Variants in AGAP3 observed in about 807,000 individuals in gnomAD.
AGAP3 encodes the protein ArfGAP with GTPase domain, ankyrin repeat and PH domain 3, also known as arf-GAP with GTPase, ANK repeat and PH domain-containing protein 3.
In AGAP3, 24 loss-of-function variants were observed where a neutral mutation model predicts 96.9. The observed-to-expected ratio is 0.25, with a 90% CI of 0.18 to 0.35. The LOEUF (loss-of-function observed/expected upper bound fraction) is 0.35, where lower values mean the gene tolerates loss of function less well. Among genes scored for constraint, AGAP3 ranks in the 10% least tolerant of loss-of-function variants. The pLI, the probability that AGAP3 is intolerant of heterozygous loss-of-function variation, is 1.00. For synonymous variants in AGAP3, 563 were observed against 536.1 expected (o/e 1.05, Z -0.69); for missense variants, 876 against 1,254.2 (o/e 0.70, Z 4.55).
chr7:151,140,047 C>G lies in AGAP3; in HGVS notation c.1735C>G (p.Arg579Gly). 7 of 1,607,152 alleles carry G rather than the reference C, an allele frequency of 4.4e-6. No individual in the cohort carries two copies. Among genetic ancestry groups the G allele is most frequent in the Non-Finnish European group, 5.9e-6 (7 of 1,177,178 alleles). Reference sequence around the variant, plus strand: ...TCCTCCCCCATCTCCCCACTCCAACCGGAAGAAGCACCGGAGGAAAAAGAG... The same window carrying G: ...TCCTCCCCCATCTCCCCACTCCAACGGGAAGAAGCACCGGAGGAAAAAGAG... Reference protein sequence around the residue: ...LDPPPSPHSNRKKHRRKKSTG... With the variant: ...LDPPPSPHSNGKKHRRKKSTG... Residue 579 changes from arginine to glycine, a missense_variant, in exon 13 of 18, where the codon CGG becomes GGG. Around this residue, in one of 8 missense-constraint regions of AGAP3, gnomAD observed 155 missense variants for 144.4 expected, o/e 1.07. Transcript: ENST00000397238. This position sits in a 1 kb window ranked among gnomAD's most constrained non-coding sequence, Gnocchi z 5.4.
In AGAP3 at chr7:151,098,486, C is replaced by CA. The variant is rs1202934685; in HGVS notation, c.331+11423dup. 6.0e-5 allele frequency among the ~76,000 whole-genome samples: 9 copies of CA among 151,246 alleles called. No individual in the cohort carries two copies. The East Asian group carries it at 9.7e-4, about 16-fold the overall frequency. ...GCAATATAGTGAGACGCTGTCTCTA[C>CA]AAAAAAAAATTAAAAAATTAGCCAG... On this transcript the variant is annotated intron_variant, in intron 1 of 17. Transcript: ENST00000397238.
intron 1 of AGAP3, chr7:151,115,106 CCG>C: frequency 9.7e-7 from 1 of 1,031,680 alleles, no homozygotes; most frequent in South Asian, 3.4e-5. Context: ...CCCGGCGCAG[CCG>C]CACCCGCGGG....
In AGAP3 at chr7:151,117,468, G is replaced by T. The variant is rs547595660; in HGVS notation, c.564+12G>T. The stretch of plus-strand genomic sequence containing the variant: ...CCCCTGAGCTCCAGGTGATGCTCCT[G>T]CCCAGGGTTAGGGCCCACCGCTGTG... On this transcript the variant is annotated intron_variant, in intron 4 of 17. Transcript: ENST00000397238. 8.1e-6 allele frequency: 13 copies of T among 1,614,162 alleles called. No homozygotes were observed. The highest frequency in any genetic ancestry group is 1.6e-4 in the Middle Eastern group (1 of 6,062).
Position 151,134,575 on chromosome 7 carries a change from C to G in AGAP3, c.1495+7C>G. 4 of 1,599,100 alleles carry G rather than the reference C, an allele frequency of 2.5e-6. No homozygotes were observed. Among genetic ancestry groups the G allele is most frequent in the Non-Finnish European group, 3.4e-6 (4 of 1,171,106 alleles). Reference sequence around the variant, plus strand: ...CAGCTGGGTGGGGGCACAGGTGAGGCGGCTGCTGAGGTGGGGGCCTGGGGG... The same window carrying G: ...CAGCTGGGTGGGGGCACAGGTGAGGGGGCTGCTGAGGTGGGGGCCTGGGGG... On this transcript the variant is annotated splice_region_variant and intron_variant, in intron 11 of 17. Transcript: ENST00000397238.
intron 8 of AGAP3, chr7:151,123,561 T>C: frequency 7.4e-7 from 1 of 1,346,926 alleles, no homozygotes; most frequent in Non-Finnish European, 9.6e-7. Context: ...CTTGCTCTTT[T>C]GTAAGGGGCG....
chr7:151,143,524 C>T lies in AGAP3; in HGVS notation c.2457C>T (p.Asp819=), dbSNP rs762165435. The change falls in exon 17 of 18, where the codon GAC becomes GAT. Residue 819 remains aspartate (D), a synonymous_variant. Coordinates refer to ENST00000397238, the MANE Select transcript of AGAP3 (RefSeq NM_031946.7). This position sits in a 1 kb window ranked among gnomAD's most constrained non-coding sequence, Gnocchi z 5.9. ...AGGAGGTGAATGAGACCTATGGGGA[C>T]GGGGACGGGCGGACGGCTCTACATC... ...SKEEVNETYG[D]GDGRTALHLS... The T allele has an allele frequency of 8.1e-6, 13 of 1,613,990 alleles. No homozygotes were observed. Among genetic ancestry groups the T allele is most frequent in the East Asian group, 4.5e-5 (2 of 44,894 alleles).
rs368385180 is a variant in AGAP3, at chr7:151,119,968, C to T, written c.970-19C>T. On this transcript the variant is annotated intron_variant, in intron 7 of 17. Transcript: ENST00000397238. The stretch of plus-strand genomic sequence containing the variant: ...GCCCCTGACCCGGAGCTGCCCTCAG[C>T]AGCCCTCTTTGTCCTTAGGCCACGA... 2.0e-5 allele frequency: 33 copies of T among 1,612,590 alleles called. No individual in the cohort carries two copies. The highest frequency in any genetic ancestry group is 2.7e-5 in the Non-Finnish European group (32 of 1,179,742).
At chr7:151,126,511 G>C (rs1396831808) in intron 9 of AGAP3, among the ~76,000 whole-genome samples, 3 of 148,414 alleles carry the variant, frequency 2.0e-5, no homozygotes, top group Non-Finnish European at 4.5e-5. Flanking sequence ...GGGGCGGGGA[G>C]CCGGGTCCAT....
rs1248033184 is a variant in AGAP3, at chr7:151,094,832, CCCTTCCCT to C, written c.331+7770_331+7777del. ...CCTGGCCTCCCCTCCCTTCCTCCCT[CCCTTCCCT>C]CCTTCCCTCTGTCCCTCCCTTCCTC... On this transcript the variant is annotated intron_variant, in intron 1 of 17. Transcript: ENST00000397238. Among the ~76,000 whole-genome samples, 6 of 150,836 alleles carry C rather than the reference CCCTTCCCT, an allele frequency of 4.0e-5. No individual in the cohort carries two copies. The East Asian group carries it at 1.0e-3, about 25-fold the overall frequency.
chr7:151,120,911 C>T, intron 8 of AGAP3: 1 of 1,008,226 alleles, frequency 9.9e-7, no homozygotes, highest in South Asian at 2.7e-5. Flanking sequence ...CCATCCAAAC[C>T]CTAATCCTCC....
chr7:151,142,572 C>A lies in AGAP3; in HGVS notation c.2211C>A (p.Leu737=). ...LAVMTAMGNA[L]ANSVWEGALG... The stretch of plus-strand genomic sequence containing the variant: ...TCATGACTGCCATGGGCAATGCCCT[C>A]GCCAACAGCGTCTGGGAGGGGGCCT... The change falls in exon 16 of 18, where the codon CTC becomes CTA. Residue 737 remains leucine (L), a synonymous_variant. Transcript: ENST00000397238. This position sits in a 1 kb window ranked among gnomAD's most constrained non-coding sequence, Gnocchi z 7.5. 6.2e-7 allele frequency: 1 copy of A among 1,613,632 alleles called. No homozygotes were observed. The highest frequency in any genetic ancestry group is 8.5e-7 in the Non-Finnish European group (1 of 1,180,020).
At chr7:151,130,207 G>T (rs1184481377) in intron 10 of AGAP3, among the ~76,000 whole-genome samples, 1 of 152,202 alleles carries the variant, frequency 6.6e-6, no homozygotes, top group Non-Finnish European at 1.5e-5. Context: ...ACCCTAGCTT[G>T]GTGCGCTGTC....
At position 151,138,163 on chromosome 7, in the gene AGAP3, AGCGCATCCCT is replaced by A; in HGVS notation, c.1519_1528del (p.Ala507ThrfsTer181). 6.2e-7 allele frequency: 1 copy of A among 1,604,692 alleles called. No homozygotes were observed. The highest frequency in any genetic ancestry group is 8.5e-7 in the Non-Finnish European group (1 of 1,176,242). ...CCCAGGTGCCCCCCACTCGGCCAGC[AGCGCATCCCT>A]GCACTCTGAGCGCCCCCTCAGCAGC... On this transcript the variant is annotated frameshift_variant, in exon 12 of 18. Transcript: ENST00000397238. LOFTEE classifies it high-confidence loss of function.
In AGAP3 at chr7:151,134,677, G is replaced by A. The variant is rs116333813; in HGVS notation, c.1495+109G>A. The A allele has an allele frequency of 4.7e-3, 5,426 of 1,152,674 alleles. 168 individuals carry two copies. In the African/African-American group the frequency reaches 0.069, roughly 15 times the overall value. 71.4% of individuals were successfully genotyped at this position (1,152,674 alleles called of 1,614,324 possible). A position where few individuals can be genotyped will look rare whatever the true frequency, so the allele number is the denominator to read the frequency against. Reference sequence around the variant, plus strand: ...CAGCCTGGGCACAGGGTGCTGGCCAGCATCACACTTCAAGGTCATCTCAGC... The same window carrying A: ...CAGCCTGGGCACAGGGTGCTGGCCAACATCACACTTCAAGGTCATCTCAGC... On this transcript the variant is annotated intron_variant, in intron 11 of 17. Coordinates refer to ENST00000397238, the MANE Select transcript of AGAP3 (RefSeq NM_031946.7).
At chr7:151,088,974 C>T (rs11769922) in intron 1 of AGAP3, among the ~76,000 whole-genome samples, 49,346 of 151,884 alleles carry the variant, frequency 0.32, 10,459 homozygotes, top group African/African-American at 0.61. Context: ...CGGTGTCTCA[C>T]TGTCACCAGA....
intron 9 of AGAP3, chr7:151,128,275 T>C: frequency 2.6e-6 from 1 of 382,226 alleles, no homozygotes; most frequent in South Asian, 2.9e-5. Context: ...CACCCGACGG[T>C]CTACACCCCT....
intron 11 of AGAP3, among the ~76,000 whole-genome samples, chr7:151,135,036 G>C (rs766378696): frequency 1.3e-5 from 2 of 152,128 alleles, no homozygotes; most frequent in Non-Finnish European, 2.9e-5. Context: ...ATTTAGACAG[G>C]ATCTGGAGGC....
At chr7:151,125,316 C>T (rs1258649528) in intron 9 of AGAP3, among the ~76,000 whole-genome samples, 1 of 152,228 alleles carries the variant, frequency 6.6e-6, no homozygotes, top group African/African-American at 2.4e-5. Context: ...CAGGGGCTGA[C>T]TTATTTGTTC....
intron 1 of AGAP3, among the ~76,000 whole-genome samples, chr7:151,106,303 A>G (rs901113060): frequency 5.9e-5 from 9 of 152,148 alleles, no homozygotes; most frequent in Admixed American, 2.0e-4. Context: ...CAGGCTGGTG[A>G]AAGAGTCTTT....
Sources: allele counts gnomAD v4.1 joint callset (sites outside exome capture counted in the v4.1 genomes callset), GRCh38; gene constraint gnomAD v4.1.1; regional missense constraint gnomAD v4.1.1; non-coding constraint Gnocchi (gnomAD v3.1); transcripts MANE v1.5; gene names NCBI Gene and HGNC (gene_info 2026-07-23, HGNC 2026-07-21).